PCDHGA7: variants seen among roughly 807,000 people sequenced by gnomAD.
PCDHGA7 encodes the protein protocadherin gamma subfamily A, 7.
A neutral mutation model predicts 58.3 loss-of-function variants in PCDHGA7; 44 were observed. That is an observed-to-expected ratio of 0.75 (90% confidence interval 0.59 to 0.97). The LOEUF (loss-of-function observed/expected upper bound fraction) is 0.97. PCDHGA7 is among the 50% of genes least tolerant of loss of function. The pLI, the probability that PCDHGA7 is intolerant of heterozygous loss-of-function variation, is 0.00. For missense variants in PCDHGA7, 1,266 were observed against 1,188.7 expected (o/e 1.06, Z -0.96); for synonymous variants, 516 against 504.2 (o/e 1.02, Z -0.31).
At chr5:141,499,908 G>A (rs903753761) in intron 2 of PCDHGA7, among the ~76,000 whole-genome samples, 2 of 151,980 alleles carry the variant, frequency 1.3e-5, no homozygotes, top group African/African-American at 2.4e-5. Flanking sequence ...GGCTGGTCTT[G>A]AACTCCTGGC....
At position 141,512,346 on chromosome 5, in the gene PCDHGA7, G is replaced by A. The variant is rs1391003897; in HGVS notation, c.*1173G>A. ...CAGGCCATTCTTAGTCCCTGGGTTG[G>A]GGAGGCAGGGAGCTAGGGCAGGGAC... On this transcript the variant is annotated 3_prime_UTR_variant, in exon 4 of 4. Transcript: ENST00000518325. 6.5e-6 allele frequency: 1 copy of A among 152,876 alleles called. No individual in the cohort carries two copies. Among genetic ancestry groups the A allele is most frequent in the Non-Finnish European group, 1.5e-5 (1 of 68,232 alleles). 9.5% of individuals were successfully genotyped at this position (152,876 alleles called of 1,614,324 possible). A position where few individuals can be genotyped will look rare whatever the true frequency, so the allele number is the denominator to read the frequency against.
At chr5:141,410,666 T>C (rs376209053) in intron 1 of PCDHGA7, 1 of 1,566,008 alleles carries the variant, frequency 6.4e-7, no homozygotes, top group Non-Finnish European at 8.6e-7. Flanking sequence ...AGTCTACTAG[T>C]TTCTCATATT....
chr5:141,498,306 A>C (rs2099783027), intron 2 of PCDHGA7, among the ~76,000 whole-genome samples: 1 of 151,810 alleles, frequency 6.6e-6, no homozygotes, highest in African/African-American at 2.4e-5. Flanking sequence ...TCTGGGTCAC[A>C]CTGCCTACAC....
In PCDHGA7 at chr5:141,394,984, T is replaced by C. The variant is rs777878747; in HGVS notation, c.2424+9661T>C. On this transcript the variant is annotated intron_variant, in intron 1 of 3. Transcript: ENST00000518325. ...CTGAGGCGCTGGCACAAGTCACGCC[T>C]GCTCCAGGATTCCGGTGGCAGATTG... 5 of 1,614,026 alleles carry C rather than the reference T, an allele frequency of 3.1e-6. 1 individual carries two copies. In the South Asian group the frequency reaches 4.4e-5, roughly 14 times the overall value.
At chr5:141,410,752 GT>G (rs2095421794) in intron 1 of PCDHGA7, 1 of 1,130,824 alleles carries the variant, frequency 8.8e-7, no homozygotes, top group Non-Finnish European at 1.2e-6. Context: ...TTTTCTCAAT[GT>G]TTTTTCAATT....
At chr5:141,421,813 G>A in intron 1 of PCDHGA7, 1 of 1,613,838 alleles carries the variant, frequency 6.2e-7, no homozygotes, top group Non-Finnish European at 8.5e-7. Flanking sequence ...TCCAGAGCTA[G>A]TACTGGAGGG....
intron 1 of PCDHGA7, among the ~76,000 whole-genome samples, chr5:141,406,069 C>G (rs72790037): frequency 0.11 from 16,670 of 145,514 alleles, 1,088 homozygotes; most frequent in African/African-American, 0.2. Flanking sequence ...AAAATTCTTA[C>G]TCCTTTTTTT....
intron 1 of PCDHGA7, chr5:141,423,241 G>C: frequency 6.2e-7 from 1 of 1,613,954 alleles, no homozygotes; most frequent in Non-Finnish European, 8.5e-7. Context: ...CATCCCCGAA[G>C]TCCTGGCGGA....
intron 1 of PCDHGA7, chr5:141,418,567 T>C: frequency 6.2e-7 from 1 of 1,614,014 alleles, no homozygotes; most frequent in Non-Finnish European, 8.5e-7. Flanking sequence ...TAGATGCCAA[T>C]GACAACCCCC....
At chr5:141,441,725 C>T (rs2098268012) in intron 1 of PCDHGA7, 3 of 352,332 alleles carry the variant, frequency 8.5e-6, no homozygotes. Flanking sequence ...AGGCCCGCGA[C>T]CAGGACTAGC....
chr5:141,394,532 T>G (rs1259695027), intron 1 of PCDHGA7: 7 of 1,614,188 alleles, frequency 4.3e-6, no homozygotes, highest in East Asian at 4.5e-5. Flanking sequence ...ACGGTTCCAC[T>G]GGCGTGGAGC....
chr5:141,483,870 G>C (rs548525439), intron 1 of PCDHGA7, among the ~76,000 whole-genome samples: 9 of 152,142 alleles, frequency 5.9e-5, no homozygotes, highest in Non-Finnish European at 1.3e-4. Context: ...TCCAGATCAG[G>C]ATGGATTTTT....
In PCDHGA7 at chr5:141,485,869, G is replaced by A; in HGVS notation, c.2425-8938G>A. On this transcript the variant is annotated intron_variant, in intron 1 of 3. Coordinates refer to ENST00000518325, the MANE Select transcript of PCDHGA7 (RefSeq NM_018920.4). The surrounding 1 kb of genome is among the most constrained non-coding windows in gnomAD (Gnocchi z 5.7). ...GCACCGCAGAGCTCCGGGTATCCGT[G>A]CTGGACGTAAACGACAACGCCCCAG... is the stretch of plus-strand genomic sequence containing the variant. 1 of 1,614,176 alleles carries A rather than the reference G, an allele frequency of 6.2e-7. No individual in the cohort carries two copies. The highest frequency in any genetic ancestry group is 8.5e-7 in the Non-Finnish European group (1 of 1,180,040).
Position 141,429,387 on chromosome 5 carries a change from TAAA to T in PCDHGA7, c.2424+44070_2424+44072del, listed in dbSNP as rs11410533. Among the ~76,000 whole-genome samples, 27 of 151,446 alleles carry T rather than the reference TAAA, an allele frequency of 1.8e-4. No homozygotes were observed. In the East Asian group the frequency reaches 1.9e-3, roughly 11 times the overall value. ...AAATGGAGAAAATGTGTTTTTTTTTTAAAAAAAATTGAGATTAAGGTCTCATTA... is the reference window on the plus strand; with the variant it reads ...AAATGGAGAAAATGTGTTTTTTTTTTAAAAATTGAGATTAAGGTCTCATTA... On this transcript the variant is annotated intron_variant, in intron 1 of 3. Coordinates refer to ENST00000518325, the MANE Select transcript of PCDHGA7 (RefSeq NM_018920.4).
chr5:141,478,272 A>T, intron 1 of PCDHGA7: 7 of 1,614,160 alleles, frequency 4.3e-6, no homozygotes, highest in Non-Finnish European at 5.9e-6. Context: ...AAAGTTTACA[A>T]GTGGAAGCAG....
intron 1 of PCDHGA7, chr5:141,441,116 C>G (rs1358636787): frequency 3.3e-5 from 5 of 152,156 alleles, no homozygotes; most frequent in Non-Finnish European, 7.3e-5. Context: ...GTCCAGTGTA[C>G]AGTTGAGACC....
At chr5:141,412,233 A>T (rs866840267) in intron 1 of PCDHGA7, 1 of 152,256 alleles carries the variant, frequency 6.6e-6, no homozygotes, top group Non-Finnish European at 1.5e-5. Context: ...TTAAAAACCT[A>T]TATCACTACA....
intron 1 of PCDHGA7, among the ~76,000 whole-genome samples, chr5:141,449,560 GC>G (rs1487612909): frequency 6.9e-6 from 1 of 145,056 alleles, no homozygotes; most frequent in Non-Finnish European, 1.5e-5. Flanking sequence ...CTGCACTCCA[GC>G]CTGGGCGACA....
Position 141,427,844 on chromosome 5 carries a change from C to A in PCDHGA7, c.2424+42521C>A, listed in dbSNP as rs997069058. 6.5e-6 allele frequency: 10 copies of A among 1,550,194 alleles called. No homozygotes were observed. In the East Asian group the frequency reaches 2.2e-4, roughly 35 times the overall value. On this transcript the variant is annotated intron_variant, in intron 1 of 3. Transcript: ENST00000518325. ...TGGTCGCGCAGCGTGCCTTCGACCA[C>A]GAGCAGCTGTGCGCCTTCGAGCTCA...
Sources: allele counts gnomAD v4.1 joint callset (sites outside exome capture counted in the v4.1 genomes callset), GRCh38; gene constraint gnomAD v4.1.1; non-coding constraint Gnocchi (gnomAD v3.1); transcripts MANE v1.5; gene names NCBI Gene and HGNC (gene_info 2026-07-23, HGNC 2026-07-21).